The following ASIC2 variants were observed in gnomAD, a reference collection of about 807,000 sequenced individuals.
ASIC2 encodes the protein acid-sensing ion channel 2.
Under a neutral mutation model 57.3 loss-of-function variants are expected in ASIC2, and 25 were observed. That is an observed-to-expected ratio of 0.44 (90% confidence interval 0.32 to 0.61). The LOEUF (loss-of-function observed/expected upper bound fraction) is 0.61. Among genes scored for constraint, ASIC2 ranks in the 20% least tolerant of loss-of-function variants. The probability of loss-of-function intolerance (pLI) is 0.06; values close to 1 mark genes in which losing one functional copy is unlikely to be tolerated. For missense variants in ASIC2, 641 were observed against 738.1 expected, an observed-to-expected ratio of 0.87 and a Z score of 1.52; for synonymous variants, 319 against 307.5, an observed-to-expected ratio of 1.04 and a Z score of -0.39.
chr17:33,429,948 C>T (rs991768416), intron 1 of ASIC2, among the ~76,000 whole-genome samples: 4 of 152,164 alleles, frequency 2.6e-5, no homozygotes, highest in African/African-American at 9.7e-5. Context: ...GGATCCAGTG[C>T]ACAGGAATCA....
At chr17:34,058,548 G>A (rs540404261) in intron 1 of ASIC2, among the ~76,000 whole-genome samples, 1 of 152,288 alleles carries the variant, frequency 6.6e-6, no homozygotes, top group South Asian at 2.1e-4. Flanking sequence ...TGTAGCACTA[G>A]CTGCTCAATT....
chr17:33,875,791 G>T (rs984136607), intron 1 of ASIC2, among the ~76,000 whole-genome samples: 2 of 151,862 alleles, frequency 1.3e-5, no homozygotes, highest in Admixed American at 6.6e-5. Flanking sequence ...TAACTGGATG[G>T]ATTTTTTTTT....
chr17:33,722,599 C>CA (rs1909422234), intron 1 of ASIC2, among the ~76,000 whole-genome samples: 2 of 122,352 alleles, frequency 1.6e-5, no homozygotes, highest in South Asian at 5.1e-4. Context: ...CCTCTCTCTA[C>CA]AAAAAAGGAA....
intron 1 of ASIC2, among the ~76,000 whole-genome samples, chr17:33,196,114 A>C (rs908113470): frequency 3.3e-5 from 5 of 152,228 alleles, no homozygotes; most frequent in Admixed American, 2.6e-4. Context: ...GTGAGCCCTC[A>C]GTGAAAGGTC....
intron 1 of ASIC2, among the ~76,000 whole-genome samples, chr17:33,194,456 G>T (rs1475742221): frequency 6.6e-6 from 1 of 152,144 alleles, no homozygotes; most frequent in Non-Finnish European, 1.5e-5. Flanking sequence ...TCACTAAGCC[G>T]ATATGATGAT....
chr17:33,687,829 G>C (rs1223966351), intron 1 of ASIC2, among the ~76,000 whole-genome samples: 2 of 152,160 alleles, frequency 1.3e-5, no homozygotes. Flanking sequence ...TCTGTTTATT[G>C]AGAATTAAGA....
chr17:33,661,522 A>G (rs891120229), intron 1 of ASIC2, among the ~76,000 whole-genome samples: 1 of 152,206 alleles, frequency 6.6e-6, no homozygotes, highest in African/African-American at 2.4e-5. Flanking sequence ...TGGGCAAGAC[A>G]TTGAATGATT....
intron 1 of ASIC2, among the ~76,000 whole-genome samples, chr17:33,365,557 T>G (rs1268233656): frequency 1.3e-5 from 2 of 152,184 alleles, no homozygotes; most frequent in Non-Finnish European, 2.9e-5. Context: ...TGTTACACAC[T>G]GTGTTTGTCA....
intron 9 of ASIC2, 52 bp downstream of exon 9, chr17:33,015,919 C>CCGGT (rs2091803070): frequency 1.4e-5 from 22 of 1,596,942 alleles, no homozygotes; most frequent in Non-Finnish European, 1.9e-5. Context: ...TTTTGTACTG[C>CCGGT]CGGTACAAGC....
intron 1 of ASIC2, among the ~76,000 whole-genome samples, chr17:33,680,020 T>C (rs1305849174): frequency 6.6e-6 from 1 of 151,304 alleles, no homozygotes; most frequent in East Asian, 2.0e-4. Flanking sequence ...TACTGGGGGG[T>C]ACTGGGATAG....
At chr17:33,385,670 AAAGTTCTGC>A (rs1909648074) in intron 1 of ASIC2, among the ~76,000 whole-genome samples, 1 of 152,196 alleles carries the variant, frequency 6.6e-6, no homozygotes, top group South Asian at 2.1e-4. Flanking sequence ...GCCGGAGTGA[AAAGTTCTGC>A]AACTCTGCAG....
intron 1 of ASIC2, among the ~76,000 whole-genome samples, chr17:33,745,731 A>G (rs1386584801): frequency 6.6e-6 from 1 of 152,154 alleles, no homozygotes; most frequent in Admixed American, 6.5e-5. Context: ...GGTAAAATAA[A>G]GGCATTTTCT....
chr17:34,063,319 T>A lies in ASIC2; in HGVS notation c.555+92659A>T, dbSNP rs372899547. ...AAAAAGCATTCAACAAAATCCAGCATCCTTTATGATTAAAACCCTCAGCAA... is the reference window on the plus strand; with the variant it reads ...AAAAAGCATTCAACAAAATCCAGCAACCTTTATGATTAAAACCCTCAGCAA... On this transcript the variant is annotated intron_variant, in intron 1 of 9. Transcript: ENST00000359872. Among the ~76,000 whole-genome samples the A allele has an allele frequency of 6.7e-4, 102 of 152,202 alleles. No homozygotes were observed. In the South Asian group the frequency reaches 0.02, roughly 30 times the overall value.
intron 1 of ASIC2, among the ~76,000 whole-genome samples, chr17:33,114,144 A>G (rs902725814): frequency 1.3e-5 from 2 of 152,242 alleles, no homozygotes; most frequent in African/African-American, 4.8e-5. Flanking sequence ...GGCCAGCTGC[A>G]CTATTTCAGG....
chr17:33,763,448 G>T (rs771499165), intron 1 of ASIC2, among the ~76,000 whole-genome samples: 1 of 152,150 alleles, frequency 6.6e-6, no homozygotes, highest in Non-Finnish European at 1.5e-5. Context: ...GCATCCTCTG[G>T]TTCCATAGCA....
rs75865787 is a variant in ASIC2, at chr17:33,721,406, T to A, written c.555+434572A>T. On this transcript the variant is annotated intron_variant, in intron 1 of 9. Transcript: ENST00000359872. ...ATGATCAGAGATGATGTGTGTGACTTCTGAGTGAGATAATTCAACAGTCAC... is the reference window on the plus strand; with the variant it reads ...ATGATCAGAGATGATGTGTGTGACTACTGAGTGAGATAATTCAACAGTCAC... Among the ~76,000 whole-genome samples the A allele has an allele frequency of 6.8e-3, 1,039 of 152,294 alleles. 25 individuals are homozygous for A. Among genetic ancestry groups the A allele is most frequent in the Admixed American group, 0.052 (803 of 15,298 alleles).
chr17:33,442,739 C>A (rs1318964786), intron 1 of ASIC2, among the ~76,000 whole-genome samples: 1 of 150,186 alleles, frequency 6.7e-6, no homozygotes, highest in Non-Finnish European at 1.5e-5. Context: ...GTTTTTTTTT[C>A]TCTGTGTTTC....
intron 1 of ASIC2, among the ~76,000 whole-genome samples, chr17:33,174,867 GGTT>G (rs1905680514): frequency 6.6e-6 from 1 of 152,108 alleles, no homozygotes; most frequent in African/African-American, 2.4e-5. Flanking sequence ...GAGATTTGGA[GGTT>G]GTTTCTTCTC....
At chr17:33,841,837 C>G (rs938786904) in intron 1 of ASIC2, among the ~76,000 whole-genome samples, 2 of 152,164 alleles carry the variant, frequency 1.3e-5, no homozygotes, top group Non-Finnish European at 2.9e-5. Flanking sequence ...GGAGAAGAGA[C>G]CCAGAGCTAG....
Sources: allele counts gnomAD v4.1 joint callset (sites outside exome capture counted in the v4.1 genomes callset), GRCh38; gene constraint gnomAD v4.1.1; transcripts MANE v1.5; gene names NCBI Gene and HGNC (gene_info 2026-07-23, HGNC 2026-07-21).